The following KCTD16 variants were observed in gnomAD, a reference collection of about 807,000 sequenced individuals.
The protein encoded by KCTD16 is BTB/POZ domain-containing protein KCTD16.
A neutral mutation model predicts 33.2 loss-of-function variants in KCTD16; 13 were observed. The observed-to-expected ratio is 0.39, with a 90% confidence interval of 0.25 to 0.62. The LOEUF is 0.62. KCTD16 is among the 20% of genes least tolerant of loss of function. The pLI, the probability that KCTD16 is intolerant of heterozygous loss-of-function variation, is 0.50. For missense variants in KCTD16, 441 were observed against 525.1 expected (o/e 0.84, Z 1.57); for synonymous variants, 197 against 195.3 (o/e 1.01, Z -0.07).
intron 3 of KCTD16, among the ~76,000 whole-genome samples, chr5:144,322,646 G>T (rs1752103878): frequency 6.6e-6 from 1 of 151,154 alleles, no homozygotes; most frequent in South Asian, 2.1e-4. Flanking sequence ...AAACCACTAT[G>T]CAATCAAGAT....
chr5:144,277,054 T>C (rs1441877673), intron 3 of KCTD16, among the ~76,000 whole-genome samples: 1 of 152,170 alleles, frequency 6.6e-6, no homozygotes, highest in East Asian at 1.9e-4. Context: ...AGAGTTAATA[T>C]CATTTTTTTC....
intron 3 of KCTD16, among the ~76,000 whole-genome samples, chr5:144,386,487 T>A (rs912053739): frequency 1.3e-5 from 2 of 152,240 alleles, no homozygotes; most frequent in Non-Finnish European, 2.9e-5. Context: ...GTCACATTTG[T>A]TCTCTCTTTC....
rs368856980 is a variant in KCTD16, at chr5:144,401,317, C to A, written c.833-72343C>A. On this transcript the variant is annotated intron_variant, in intron 3 of 3. Transcript: ENST00000512467. Reference sequence around the variant, plus strand: ...TATTGATAACTAAAAGAAGTGAGACCACTCTTAGGAGTACAGGTGATACTG... The same window carrying A: ...TATTGATAACTAAAAGAAGTGAGACAACTCTTAGGAGTACAGGTGATACTG... Among the ~76,000 whole-genome samples, 6 of 152,150 alleles carry A rather than the reference C, an allele frequency of 3.9e-5. No individual in the cohort carries two copies. In the East Asian group the frequency reaches 5.8e-4, roughly 15 times the overall value.
At chr5:144,467,599 C>T (rs1260190025) in intron 3 of KCTD16, among the ~76,000 whole-genome samples, 1 of 152,166 alleles carries the variant, frequency 6.6e-6, no homozygotes. Context: ...GAGGTTGGGA[C>T]TAGCCTGAAA....
At chr5:144,342,857 T>C (rs543973955) in intron 3 of KCTD16, among the ~76,000 whole-genome samples, 252 of 152,334 alleles carry the variant, frequency 1.7e-3, no homozygotes, top group African/African-American at 5.9e-3. Flanking sequence ...TTGTCTTTGG[T>C]TCTCTTTATA....
At chr5:144,452,356 G>C (rs776811699) in intron 3 of KCTD16, among the ~76,000 whole-genome samples, 7 of 151,906 alleles carry the variant, frequency 4.6e-5, no homozygotes, top group Middle Eastern at 3.4e-3. Flanking sequence ...ATGAAATACT[G>C]ACTCAAAGGT....
At chr5:144,266,357 T>G (rs1755142130) in intron 3 of KCTD16, among the ~76,000 whole-genome samples, 1 of 152,054 alleles carries the variant, frequency 6.6e-6, no homozygotes. Context: ...CCTTTTGAGG[T>G]GAATGGACAG....
intron 3 of KCTD16, among the ~76,000 whole-genome samples, chr5:144,312,556 A>C (rs1751794497): frequency 6.6e-6 from 1 of 152,222 alleles, no homozygotes; most frequent in South Asian, 2.1e-4. Flanking sequence ...ATATAAATTC[A>C]GTTTGTTCAC....
At chr5:144,379,208 C>T (rs1309226149) in intron 3 of KCTD16, among the ~76,000 whole-genome samples, 3 of 152,148 alleles carry the variant, frequency 2.0e-5, no homozygotes, top group Non-Finnish European at 2.9e-5. Flanking sequence ...TATGCCTGCT[C>T]TTTGGCCTAA....
chr5:144,244,639 C>A (rs1279913942), intron 3 of KCTD16, among the ~76,000 whole-genome samples: 1 of 152,118 alleles, frequency 6.6e-6, no homozygotes, highest in Non-Finnish European at 1.5e-5. Context: ...ACACATTAAA[C>A]CTGTGTTTTT....
rs60586793 is a variant in KCTD16, at chr5:144,312,081, G to A, written c.832+104535G>A. ...ATTTATGAAAGGCCCTGTAGGTGCC[G>A]GGCACTTTGCTAGATGGCTCACAAA... On this transcript the variant is annotated intron_variant, in intron 3 of 3. Transcript: ENST00000512467. 8.7e-3 allele frequency among the ~76,000 whole-genome samples: 1,318 copies of A among 152,148 alleles called. 16 individuals carry two copies. The highest frequency in any genetic ancestry group is 0.03 in the African/African-American group (1,246 of 41,504).
intron 3 of KCTD16, among the ~76,000 whole-genome samples, chr5:144,327,279 G>A (rs1043271535): frequency 6.6e-6 from 1 of 152,072 alleles, no homozygotes; most frequent in Non-Finnish European, 1.5e-5. Flanking sequence ...TGCTATGAGT[G>A]ACATATACCT....
At chr5:144,279,564 G>T (rs1207325928) in intron 3 of KCTD16, among the ~76,000 whole-genome samples, 1 of 152,210 alleles carries the variant, frequency 6.6e-6, no homozygotes, top group Admixed American at 6.5e-5. Flanking sequence ...TGGAGGCTGA[G>T]AAGTCCAAGA....
chr5:144,267,447 A>C (rs2126843867), intron 3 of KCTD16, among the ~76,000 whole-genome samples: 1 of 152,352 alleles, frequency 6.6e-6, no homozygotes, highest in East Asian at 1.9e-4. Flanking sequence ...TATCCTAAGC[A>C]TTATGTGAGA....
intron 3 of KCTD16, among the ~76,000 whole-genome samples, chr5:144,420,961 A>T (rs1264951567): frequency 6.6e-6 from 1 of 152,140 alleles, no homozygotes; most frequent in African/African-American, 2.4e-5. Context: ...AGCAGAGGAA[A>T]TCAGATTTAT....
At chr5:144,253,400 GC>G (rs1374544592) in intron 3 of KCTD16, among the ~76,000 whole-genome samples, 1 of 152,066 alleles carries the variant, frequency 6.6e-6, no homozygotes, top group Non-Finnish European at 1.5e-5. Flanking sequence ...CTTATCACAG[GC>G]TATGATGTTT....
intron 3 of KCTD16, among the ~76,000 whole-genome samples, chr5:144,463,402 G>A (rs1198813019): frequency 2.6e-5 from 4 of 152,130 alleles, no homozygotes; most frequent in African/African-American, 7.2e-5. Flanking sequence ...GCAATCAATT[G>A]TCTTCTAAAA....
chr5:144,268,517 A>G (rs996660361), intron 3 of KCTD16, among the ~76,000 whole-genome samples: 7 of 152,212 alleles, frequency 4.6e-5, no homozygotes, highest in Non-Finnish European at 8.8e-5. Context: ...ACAGCCCAGA[A>G]AAGTTTTAAA....
chr5:144,316,852 G>A lies in KCTD16; in HGVS notation c.832+109306G>A, dbSNP rs1334059480. ...TTTTTTTTTTTTTTTTTTTTGATAC[G>A]GAGTCTCACTCTGTCACTGGGCTGG... On this transcript the variant is annotated intron_variant, in intron 3 of 3. Transcript: ENST00000512467. Among the ~76,000 whole-genome samples, 6 of 110,716 alleles carry A rather than the reference G, an allele frequency of 5.4e-5. No individual in the cohort carries two copies. In the East Asian group the frequency reaches 1.1e-3, roughly 20 times the overall value. 72.6% of individuals were successfully genotyped at this position (110,716 alleles called of 152,430 possible).
Sources: gnomAD v4.1 joint callset for allele counts (sites outside exome capture counted in the v4.1 genomes callset) on GRCh38, gnomAD v4.1.1 for gene constraint, MANE v1.5 for transcripts, NCBI Gene and HGNC (gene_info 2026-07-23, HGNC 2026-07-21) for gene names.